The following TENM1 variants were observed in gnomAD, a reference collection of about 807,000 sequenced individuals.
The protein encoded by TENM1 is teneurin-1.
Under a neutral mutation model 174.8 loss-of-function variants are expected in TENM1, and 35 were observed. That is an observed-to-expected ratio of 0.20 (90% CI 0.15 to 0.27). The LOEUF (loss-of-function observed/expected upper bound fraction) is 0.27, where lower values mean the gene tolerates loss of function less well. Among genes scored for constraint, TENM1 ranks in the 10% least tolerant of loss-of-function variants. The pLI is 1.00. For missense variants in TENM1, 1,633 were observed against 2,130.1 expected (o/e 0.77, Z 4.59); for synonymous variants, 781 against 798.7 (o/e 0.98, Z 0.37).
intron 1 of TENM1, among the ~76,000 whole-genome samples, chrX:124,905,191 T>C (rs1338136247): frequency 9.1e-6 from 1 of 110,036 alleles, no homozygotes; most frequent in Non-Finnish European, 1.9e-5. Flanking sequence ...TGTGGTGGCA[T>C]GTGCTTGTAG....
rs200034673 is a variant in TENM1 at position 124,894,966 on chromosome X, T to TA, written c.479-615dup. ...AACACATACATATATGAAAATAATC[T>TA]AAAAAAAATCAAGACCCCAAGGATA... On this transcript the variant is annotated intron_variant, in intron 2 of 31. Transcript: ENST00000422452. 8.6e-3 allele frequency among the ~76,000 whole-genome samples: 960 copies of TA among 111,122 alleles called. 9 individuals are homozygous for TA. The highest frequency in any genetic ancestry group is 0.016 in the Admixed American group (168 of 10,407).
intron 17 of TENM1, among the ~76,000 whole-genome samples, chrX:124,521,136 A>G (rs1188538144): frequency 8.9e-6 from 1 of 111,757 alleles, no homozygotes; most frequent in Non-Finnish European, 1.9e-5. Flanking sequence ...GCAATTCAGC[A>G]CTATGGGCTC....
At chrX:124,913,405 T>G (rs2057868706) in intron 1 of TENM1, among the ~76,000 whole-genome samples, 1 of 111,718 alleles carries the variant, frequency 9.0e-6, no homozygotes, top group African/African-American at 3.3e-5. Flanking sequence ...CCTACTAGTT[T>G]GAAGAGTTAA....
At chrX:124,479,042 T>G (rs753697289) in intron 22 of TENM1, among the ~76,000 whole-genome samples, 3 of 112,545 alleles carry the variant, frequency 2.7e-5, no homozygotes, top group Non-Finnish European at 3.8e-5. Flanking sequence ...CTGACTATAT[T>G]CAGCATGGAG....
At position 124,648,303 on chromosome X, in the gene TENM1, G is replaced by T. The variant is rs145308166; in HGVS notation, c.1580-1493C>A. On this transcript the variant is annotated intron_variant, in intron 8 of 31. Transcript: ENST00000422452. Reference sequence around the variant, plus strand: ...AAAGAGGTATCTAGTCCATTTGGGGGATTCTTAAAAGCTGAGAATGAATCC... The same window carrying T: ...AAAGAGGTATCTAGTCCATTTGGGGTATTCTTAAAAGCTGAGAATGAATCC... 9.0e-3 allele frequency among the ~76,000 whole-genome samples: 1,013 copies of T among 112,507 alleles called. 24 individuals are homozygous for T. The highest frequency in any genetic ancestry group is 0.077 in the Admixed American group (823 of 10,635).
Position 124,639,493 on chromosome X carries a change from T to TA in TENM1, c.2077+2297dup, listed in dbSNP as rs748508895. On this transcript the variant is annotated intron_variant, in intron 11 of 31. Transcript: ENST00000422452. ...GGCCCTGGACATGGTCCAACAATGA[T>TA]ACATTTTTATATGTGGTGAGTTAGA... 3.6e-5 allele frequency among the ~76,000 whole-genome samples: 4 copies of TA among 112,109 alleles called. No homozygotes were observed. In the South Asian group the frequency reaches 1.5e-3, roughly 42 times the overall value.
chrX:124,709,076 C>T (rs952909097), intron 4 of TENM1, among the ~76,000 whole-genome samples: 3 of 111,337 alleles, frequency 2.7e-5, no homozygotes, highest in Admixed American at 1.9e-4. Flanking sequence ...AGGAGTAGAG[C>T]GGTGATAATA....
chrX:125,089,018 T>C, the TENM1 span, among the ~76,000 whole-genome samples: 1 of 111,191 alleles, frequency 9.0e-6, no homozygotes, highest in African/African-American at 3.3e-5. Flanking sequence ...CTTACTTTAG[T>C]TCATTTTCCT....
chrX:124,575,645 C>T (rs1337307758), intron 11 of TENM1, among the ~76,000 whole-genome samples: 1 of 112,278 alleles, frequency 8.9e-6, no homozygotes, highest in African/African-American at 3.2e-5. Context: ...AACTGGTTAA[C>T]TGTTCTTTGG....
chrX:124,791,684 C>G (rs1325806051), intron 3 of TENM1, among the ~76,000 whole-genome samples: 1 of 111,708 alleles, frequency 9.0e-6, no homozygotes. Flanking sequence ...GATTTCCTGA[C>G]TCTTCTACAT....
the TENM1 span, among the ~76,000 whole-genome samples, chrX:125,057,346 C>A: frequency 2.5e-4 from 24 of 95,637 alleles, 1 homozygote; most frequent in African/African-American, 1.0e-3. Context: ...AATGATATAT[C>A]TATACATACA....
At chrX:124,520,863 T>C in intron 17 of TENM1, 79 bp from the exon 21 acceptor site, 2 of 965,160 alleles carry the variant, frequency 2.1e-6, no homozygotes, top group Non-Finnish European at 1.4e-6. Context: ...GCATGCTTTG[T>C]TGTCTTTGAA....
At position 124,435,635 on chromosome X, in the gene TENM1, C is replaced by T. The variant is rs144149820; in HGVS notation, c.4105-12997G>A. 4.7e-3 allele frequency among the ~76,000 whole-genome samples: 530 copies of T among 111,882 alleles called. 2 individuals are homozygous for T. The highest frequency in any genetic ancestry group is 0.016 in the African/African-American group (499 of 30,809). ...ACAGATTGTCTCTCTCATCTTAACT[C>T]TGTAATGTTTCCAAATGATAGGGAC... On this transcript the variant is annotated intron_variant, in intron 23 of 31. Coordinates refer to ENST00000422452, the Ensembl canonical transcript of TENM1.
chrX:124,547,477 C>T (rs1412427415), intron 14 of TENM1, among the ~76,000 whole-genome samples: 1 of 112,200 alleles, frequency 8.9e-6, no homozygotes, highest in Non-Finnish European at 1.9e-5. Flanking sequence ...ACACCTAGTA[C>T]ATCTATGAGC....
intron 18 of TENM1, among the ~76,000 whole-genome samples, chrX:124,510,775 T>TACACACACACACACACAC (rs755205162): frequency 0.23 from 23,843 of 103,195 alleles, 2,195 homozygotes; most frequent in East Asian, 0.38. Flanking sequence ...CATGGGGAGA[T>TACACACACACACACACAC]ACACACACAC....
At chrX:124,670,848 G>A (rs2051902076) in intron 6 of TENM1, among the ~76,000 whole-genome samples, 1 of 110,896 alleles carries the variant, frequency 9.0e-6, no homozygotes, top group Non-Finnish European at 1.9e-5. Context: ...GCTTCTTGGA[G>A]GTAAGGTTTT....
At chrX:125,050,025 GT>G in the TENM1 span, among the ~76,000 whole-genome samples, 1 of 109,387 alleles carries the variant, frequency 9.1e-6, no homozygotes, top group Non-Finnish European at 1.9e-5. Flanking sequence ...AAGTTTAAAA[GT>G]GCTCATCAGA....
chrX:124,955,893 T>C (rs955426899), intron 1 of TENM1, among the ~76,000 whole-genome samples: 1 of 110,703 alleles, frequency 9.0e-6, no homozygotes, highest in African/African-American at 3.3e-5. Context: ...GTTATGACAG[T>C]GGGCTCTAAT....
chrX:124,516,679 G>A (rs1222059438), intron 18 of TENM1, among the ~76,000 whole-genome samples: 1 of 111,897 alleles, frequency 8.9e-6, no homozygotes, highest in Middle Eastern at 4.2e-3. Context: ...AGGTTGTGGA[G>A]AAAAGGGAAC....
Sources: allele counts gnomAD v4.1 joint callset (sites outside exome capture counted in the v4.1 genomes callset), GRCh38; gene constraint gnomAD v4.1.1; transcripts MANE v1.5; gene names NCBI Gene and HGNC (gene_info 2026-07-23, HGNC 2026-07-21).